Variants in SPECC1L observed in about 807,000 individuals in gnomAD.
SPECC1L encodes cytospin-A.
A neutral mutation model predicts 116.8 loss-of-function variants in SPECC1L; 40 were observed. The ratio of observed to expected loss-of-function variants is 0.34; its 90% CI spans 0.27 to 0.45. The LOEUF is 0.45. Ranked by LOEUF, SPECC1L falls within the 20% of genes least tolerant of loss-of-function variation. The pLI is 1.00. For synonymous variants in SPECC1L, 504 were observed against 500.6 expected (o/e 1.01, Z -0.09); for missense variants, 1,110 against 1,373.6 (o/e 0.81, Z 3.03).
rs1219593890 is a variant in SPECC1L, at chr22:24,270,926, T to C, written c.-199T>C. The C allele has an allele frequency of 2.0e-5, 3 of 152,134 alleles. No homozygotes were observed. The highest frequency in any genetic ancestry group is 4.4e-5 in the Non-Finnish European group (3 of 68,026). 9.4% of individuals were successfully genotyped at this position (152,134 alleles called of 1,614,324 possible). A position where few individuals can be genotyped will look rare whatever the true frequency, so the allele number is the denominator to read the frequency against. Reference sequence around the variant, plus strand: ...AACGGGTCTCGGCTGAGCCACCGGGTGAGCTCACCGCCCAGCCCAAACCAG... The same window carrying C: ...AACGGGTCTCGGCTGAGCCACCGGGCGAGCTCACCGCCCAGCCCAAACCAG... On this transcript the variant is annotated 5_prime_UTR_variant, in exon 1 of 17. Transcript: ENST00000314328.
At chr22:24,412,886 C>T (rs545643148) in intron 16 of SPECC1L, among the ~76,000 whole-genome samples, 179 bp downstream of exon 16, 1 of 150,668 alleles carries the variant, frequency 6.6e-6, no homozygotes, top group African/African-American at 2.4e-5. Context: ...GATGTGGGAT[C>T]TTGTGTCCTG....
intron 11 of SPECC1L, among the ~76,000 whole-genome samples, chr22:24,351,865 A>G (rs1257287263): frequency 6.6e-6 from 1 of 152,154 alleles, no homozygotes; most frequent in Non-Finnish European, 1.5e-5. Flanking sequence ...AAGTGTCTTC[A>G]TTACTGAAGT....
At chr22:24,346,393 C>CA (rs1405883682) in intron 10 of SPECC1L, among the ~76,000 whole-genome samples, 2 of 152,218 alleles carry the variant, frequency 1.3e-5, no homozygotes, top group African/African-American at 4.8e-5. Context: ...ACTGAGATGA[C>CA]AGGCTGTACT....
chr22:24,414,823 A>G lies in SPECC1L; in HGVS notation c.*200A>G. 1.7e-6 allele frequency: 1 copy of G among 602,990 alleles called. No homozygotes were observed. The allele number at this position is 602,990 out of a possible 1,614,324, so 37.4% of individuals were successfully genotyped here. On this transcript the variant is annotated 3_prime_UTR_variant, in exon 17 of 17. Coordinates refer to ENST00000314328, the MANE Select transcript of SPECC1L (RefSeq NM_015330.6). ...CAGCTCCCACCAGGGCCCCTCCCAC[A>G]TGACCCGTCCATTCAGGTCATGTGG...
intron 4 of SPECC1L, among the ~76,000 whole-genome samples, chr22:24,317,356 A>C (rs1368079964): frequency 6.0e-4 from 59 of 98,510 alleles, no homozygotes; most frequent in East Asian, 2.0e-3. Flanking sequence ...CTGGCCGGGC[A>C]GAGGGGCTCC....
chr22:24,363,186 C>T (rs2041678562), intron 11 of SPECC1L, 75 bp from the exon 12 acceptor site: 3 of 1,327,082 alleles, frequency 2.3e-6, no homozygotes, highest in African/African-American at 2.9e-5. Flanking sequence ...GAGTAAAACT[C>T]ACCTTCTTTG....
intron 9 of SPECC1L, among the ~76,000 whole-genome samples, chr22:24,335,897 C>T (rs1344182701): frequency 3.3e-5 from 5 of 151,392 alleles, no homozygotes; most frequent in African/African-American, 1.2e-4. Flanking sequence ...ATAATACTAT[C>T]TTTACAGACT....
chr22:24,315,863 A>G (rs1029216856), intron 4 of SPECC1L, among the ~76,000 whole-genome samples: 1 of 152,240 alleles, frequency 6.6e-6, no homozygotes, highest in Non-Finnish European at 1.5e-5. Context: ...TTTGTCTTGC[A>G]GATGGCTGCC....
chr22:24,313,195 G>A, intron 3 of SPECC1L, 118 bp from the exon 4 acceptor site: 1 of 1,001,278 alleles, frequency 1.0e-6, no homozygotes, highest in Non-Finnish European at 1.5e-6. Flanking sequence ...CTACCTGTCA[G>A]ATAGTTTTGG....
At chr22:24,395,051 C>T (rs2042341138) in intron 14 of SPECC1L, among the ~76,000 whole-genome samples, 1 of 152,154 alleles carries the variant, frequency 6.6e-6, no homozygotes, top group African/African-American at 2.4e-5. Context: ...TGGTATCAAA[C>T]TCCTGGGCTC....
intron 3 of SPECC1L, among the ~76,000 whole-genome samples, chr22:24,307,216 T>G (rs888564991): frequency 6.6e-6 from 1 of 152,230 alleles, no homozygotes; most frequent in Non-Finnish European, 1.5e-5. Context: ...TTTAATTCTT[T>G]AAGGAACTGC....
At chr22:24,328,011 C>G (rs372396749) in intron 6 of SPECC1L, among the ~76,000 whole-genome samples, 83 of 152,286 alleles carry the variant, frequency 5.5e-4, no homozygotes, top group African/African-American at 2.0e-3. Flanking sequence ...TGATTGGTTC[C>G]TGAGCTGTCA....
chr22:24,291,082 A>G (rs1473194327), intron 2 of SPECC1L, among the ~76,000 whole-genome samples: 1 of 152,216 alleles, frequency 6.6e-6, no homozygotes, highest in African/African-American at 2.4e-5. Context: ...CAATTTTAAT[A>G]TGATCTCTAC....
chr22:24,308,848 G>A (rs934828081), intron 3 of SPECC1L, among the ~76,000 whole-genome samples: 1 of 152,028 alleles, frequency 6.6e-6, no homozygotes. Flanking sequence ...TTATATTATT[G>A]TAAATTCATA....
intron 2 of SPECC1L, among the ~76,000 whole-genome samples, chr22:24,286,404 A>T (rs1424265733): frequency 2.0e-5 from 3 of 152,200 alleles, no homozygotes. Context: ...ATGTAATTAC[A>T]CTTTATTGCT....
intron 14 of SPECC1L, among the ~76,000 whole-genome samples, chr22:24,377,139 T>C (rs1417011543): frequency 6.6e-6 from 1 of 152,198 alleles, no homozygotes; most frequent in East Asian, 1.9e-4. Context: ...TCACTTAGCA[T>C]CATGTTTTTA....
intron 2 of SPECC1L, among the ~76,000 whole-genome samples, chr22:24,281,816 C>T (rs2048949234): frequency 6.6e-6 from 1 of 152,204 alleles, no homozygotes; most frequent in African/African-American, 2.4e-5. Flanking sequence ...CTTCTAAGTA[C>T]ATAATGAATA....
chr22:24,360,889 T>C (rs1056174271), intron 11 of SPECC1L, among the ~76,000 whole-genome samples: 4 of 152,244 alleles, frequency 2.6e-5, no homozygotes, highest in Non-Finnish European at 5.9e-5. Context: ...TAATATACTC[T>C]TCCTTTACGG....
intron 6 of SPECC1L, among the ~76,000 whole-genome samples, chr22:24,325,253 G>A (rs1165858491): frequency 1.3e-5 from 2 of 152,218 alleles, no homozygotes; most frequent in Non-Finnish European, 2.9e-5. Flanking sequence ...CACTGAAGAG[G>A]AAGGAAACTG....
Sources: allele counts gnomAD v4.1 joint callset (sites outside exome capture counted in the v4.1 genomes callset), GRCh38; gene constraint gnomAD v4.1.1; transcripts MANE v1.5; gene names NCBI Gene and HGNC (gene_info 2026-07-23, HGNC 2026-07-21).